The following PCDHGB1 variants were observed in gnomAD, a reference collection of about 807,000 sequenced individuals.
PCDHGB1 encodes the protein protocadherin gamma subfamily B, 1, also known as protocadherin gamma-B1.
PCDHGB1 carries 34 observed loss-of-function variants against 56.6 expected under a neutral mutation model. The observed-to-expected ratio is 0.60, with a 90% CI of 0.46 to 0.80. The LOEUF (loss-of-function observed/expected upper bound fraction) is 0.80, where lower values mean the gene tolerates loss of function less well. Among genes scored for constraint, PCDHGB1 ranks in the 30% least tolerant of loss-of-function variants. PCDHGB1 has a pLI of 0.00. For synonymous variants in PCDHGB1, 561 were observed against 505.9 expected, an observed-to-expected ratio of 1.11 and a Z score of -1.46; for missense variants, 1,278 against 1,204.6, an observed-to-expected ratio of 1.06 and a Z score of -0.90.
At chr5:141,415,739 G>GTT (rs1561759437) in intron 1 of PCDHGB1, 11 of 435,132 alleles carry the variant, frequency 2.5e-5, no homozygotes, top group African/African-American at 1.6e-4. Flanking sequence ...TGTTTATTAA[G>GTT]GTTTTTTTTT....
intron 1 of PCDHGB1, among the ~76,000 whole-genome samples, chr5:141,492,409 C>T (rs1367119266): frequency 6.6e-6 from 1 of 152,230 alleles, no homozygotes. Context: ...TCCCCTCTGC[C>T]GCTCCCTCCG....
intron 1 of PCDHGB1, among the ~76,000 whole-genome samples, chr5:141,466,826 G>A (rs978548667): frequency 1.2e-4 from 18 of 152,056 alleles, no homozygotes; most frequent in Admixed American, 8.5e-4. Flanking sequence ...TAACAAGTTA[G>A]TATGGGTTTA....
rs1347283176 is a variant in PCDHGB1, at chr5:141,360,728, A to T, written c.2409+8059A>T. On this transcript the variant is annotated intron_variant, in intron 1 of 3. Coordinates refer to ENST00000523390, the MANE Select transcript of PCDHGB1 (RefSeq NM_018922.3). ...AAATATCCTGAGTTGATTCTAAAAC[A>T]CTCTCTGGACAGAGAAGAGCACAGT... 4 of 1,613,740 alleles carry T rather than the reference A, an allele frequency of 2.5e-6. No individual in the cohort carries two copies. The African/African-American group carries it at 5.3e-5, about 22-fold the overall frequency.
chr5:141,426,753 A>G (rs1360041118), intron 1 of PCDHGB1: 3 of 456,298 alleles, frequency 6.6e-6, no homozygotes, highest in East Asian at 7.0e-5. Flanking sequence ...GGAATCTGCT[A>G]TAGATGCAGA....
At chr5:141,503,802 G>A (rs2099831646) in intron 2 of PCDHGB1, among the ~76,000 whole-genome samples, 1 of 151,998 alleles carries the variant, frequency 6.6e-6, no homozygotes, top group South Asian at 2.1e-4. Context: ...CTTAGGGACG[G>A]GGAATCCCAG....
Position 141,485,399 on chromosome 5 carries a change from C to T in PCDHGB1, c.2410-9408C>T. On this transcript the variant is annotated intron_variant, in intron 1 of 3. Coordinates refer to ENST00000523390, the MANE Select transcript of PCDHGB1 (RefSeq NM_018922.3). This position sits in a 1 kb window ranked among gnomAD's most constrained non-coding sequence, Gnocchi z 5.7. ...TGGAGAGGTGAACCAAAGACACTTC[C>T]GTGTGGATTTGGACAGCGGAGCCCT... 3 of 1,614,000 alleles carry T rather than the reference C, an allele frequency of 1.9e-6. No homozygotes were observed. The highest frequency in any genetic ancestry group is 2.5e-6 in the Non-Finnish European group (3 of 1,179,922).
In PCDHGB1 at chr5:141,399,479, C is replaced by T. The variant is rs774561101; in HGVS notation, c.2409+46810C>T. 3 of 1,614,032 alleles carry T rather than the reference C, an allele frequency of 1.9e-6. No individual in the cohort carries two copies. In the Admixed American group the frequency reaches 5.0e-5, roughly 27 times the overall value. On this transcript the variant is annotated intron_variant, in intron 1 of 3. Transcript: ENST00000523390. ...GATAACGCTCCGGTTTTCCACCAGG[C>T]GTCCTACTTAGTCAGTGTACCCGAA...
rs142628885 is a variant in PCDHGB1 at position 141,404,093 on chromosome 5, C to T, written c.2409+51424C>T. ...TGACCGAGACTCCGGGAAGAATGGT[C>T]AAGTTGTCTGTTCTATCCAGGAGAA... On this transcript the variant is annotated intron_variant, in intron 1 of 3. Coordinates refer to ENST00000523390, the MANE Select transcript of PCDHGB1 (RefSeq NM_018922.3). The T allele has an allele frequency of 9.4e-5, 152 of 1,613,326 alleles. 2 individuals carry two copies. In the East Asian group the frequency reaches 3.4e-3, roughly 36 times the overall value.
At position 141,374,916 on chromosome 5, in the gene PCDHGB1, CTT is replaced by C. The variant is rs779055803; in HGVS notation, c.2409+22248_2409+22249del. ...GATGAAGGAGTCCACGGGGAAGTAA[CTT>C]ATTCCTTTGTGAAGATTACAGAAAA... On this transcript the variant is annotated intron_variant, in intron 1 of 3. Transcript: ENST00000523390. The C allele has an allele frequency of 1.2e-5, 20 of 1,613,924 alleles. No individual in the cohort carries two copies. The African/African-American group carries it at 2.4e-4, about 19-fold the overall frequency.
intron 1 of PCDHGB1, chr5:141,404,696 G>A (rs757662807): frequency 6.2e-7 from 1 of 1,614,104 alleles, no homozygotes; most frequent in Non-Finnish European, 8.5e-7. Context: ...ACCCCGCTCT[G>A]CAGAGCCTGG....
At chr5:141,422,515 AGCCCGC>A in intron 1 of PCDHGB1, 1 of 1,614,044 alleles carries the variant, frequency 6.2e-7, no homozygotes, top group Non-Finnish European at 8.5e-7. Flanking sequence ...AGACCAGGGA[AGCCCGC>A]CTTTGTCTGC....
rs775380177 is a variant in PCDHGB1, at chr5:141,422,666, C to T, written c.2409+69997C>T. The T allele has an allele frequency of 3.1e-6, 5 of 1,608,026 alleles. No individual in the cohort carries two copies. In the South Asian group the frequency reaches 3.3e-5, roughly 11 times the overall value. ...ATCTTCTCAGTGACCGCCCTCGACC[C>T]GGACAGCAAACAGAATGCCCTGGTC... On this transcript the variant is annotated intron_variant, in intron 1 of 3. Transcript: ENST00000523390.
chr5:141,403,040 C>CA (rs1195249780), intron 1 of PCDHGB1: 1 of 1,613,950 alleles, frequency 6.2e-7, no homozygotes, highest in Non-Finnish European at 8.5e-7. Flanking sequence ...CAGGGCCAGT[C>CA]AGATTCGCTA....
chr5:141,390,650 G>A lies in PCDHGB1; in HGVS notation c.2409+37981G>A, dbSNP rs750733568. ...TATGATGAATACTTTTTTCAGCTTG[G>A]ATATACCATAAATATAAAAATAATA... On this transcript the variant is annotated intron_variant, in intron 1 of 3. Coordinates refer to ENST00000523390, the MANE Select transcript of PCDHGB1 (RefSeq NM_018922.3). 69 of 210,892 alleles carry A rather than the reference G, an allele frequency of 3.3e-4. 1 individual carries two copies. The highest frequency in any genetic ancestry group is 5.4e-4 in the Non-Finnish European group (57 of 106,318). The allele number at this position is 210,892 out of a possible 1,614,324, so 13.1% of individuals were successfully genotyped here.
intron 1 of PCDHGB1, chr5:141,423,753 G>GC (rs1489142243): frequency 4.8e-6 from 3 of 626,014 alleles, no homozygotes; most frequent in African/African-American, 5.1e-5. Context: ...AACTGTTTGG[G>GC]GGGGGGGTGG....
chr5:141,364,178 C>G (rs946798028), intron 1 of PCDHGB1: 1 of 887,846 alleles, frequency 1.1e-6, no homozygotes, highest in Admixed American at 3.6e-5. Flanking sequence ...ACTCTGCTCC[C>G]TCCATACTAA....
rs774892780 is a variant in PCDHGB1, at chr5:141,350,847, C to T, written c.587C>T (p.Pro196Leu). 5.6e-6 allele frequency: 9 copies of T among 1,613,928 alleles called. No individual in the cohort carries two copies. Among genetic ancestry groups the T allele is most frequent in the East Asian group, 2.2e-5 (1 of 44,904 alleles). ...SKYPVLLLEK[P>L]LDREHQSSHR... Reference sequence around the variant, plus strand: ...TATCCGGTATTACTGCTGGAAAAACCTCTAGACAGGGAACATCAGAGCTCT... The same window carrying T: ...TATCCGGTATTACTGCTGGAAAAACTTCTAGACAGGGAACATCAGAGCTCT... The change falls in exon 1 of 4, where the codon CCT (proline) becomes CTT (leucine). Residue 196 changes from proline to leucine, a missense_variant. Physicochemically the swap from Pro to Leu is moderately conservative, Grantham distance 98 (BLOSUM62 -3). Coordinates refer to ENST00000523390, the MANE Select transcript of PCDHGB1 (RefSeq NM_018922.3).
intron 1 of PCDHGB1, chr5:141,420,445 T>C: frequency 9.6e-7 from 1 of 1,044,750 alleles, no homozygotes; most frequent in Non-Finnish European, 1.3e-6. Context: ...AATGCCTCAG[T>C]CTTCCTACTA....
At chr5:141,418,196 C>G in intron 1 of PCDHGB1, 1 of 1,614,032 alleles carries the variant, frequency 6.2e-7, no homozygotes, top group Non-Finnish European at 8.5e-7. Context: ...GGTGGAAAAT[C>G]CTTTAAATAT....
Sources: gnomAD v4.1 joint callset for allele counts (sites outside exome capture counted in the v4.1 genomes callset) on GRCh38, gnomAD v4.1.1 for gene constraint, Gnocchi (gnomAD v3.1) non-coding constraint, MANE v1.5 for transcripts, NCBI Gene and HGNC (gene_info 2026-07-23, HGNC 2026-07-21) for gene names.